LOC400499: variants seen among roughly 807,000 people sequenced by gnomAD.
chr16:11,519,275 T>C, the LOC400499 span, among the ~76,000 whole-genome samples: 1 of 152,176 alleles, frequency 6.6e-6, no homozygotes, highest in Non-Finnish European at 1.5e-5. Context: ...CAAGAATATG[T>C]TACATTGTAG....
chr16:11,452,365 T>C, the LOC400499 span, among the ~76,000 whole-genome samples: 1 of 152,188 alleles, frequency 6.6e-6, no homozygotes, highest in East Asian at 1.9e-4. Flanking sequence ...GTTCAAGACC[T>C]GGATCAGAAC....
the LOC400499 span, among the ~76,000 whole-genome samples, chr16:11,515,096 A>T: frequency 1.3e-5 from 2 of 152,150 alleles, no homozygotes; most frequent in Non-Finnish European, 2.9e-5. Flanking sequence ...GCTTGAGCTC[A>T]GAAGTTCAAG....
the LOC400499 span, among the ~76,000 whole-genome samples, chr16:11,413,968 T>C: frequency 2.0e-5 from 3 of 152,252 alleles, no homozygotes; most frequent in Middle Eastern, 3.4e-3. Flanking sequence ...CATCCTGCCT[T>C]TCTCTGGAGC....
chr16:11,373,092 C>A, the LOC400499 span, among the ~76,000 whole-genome samples: 1 of 152,238 alleles, frequency 6.6e-6, no homozygotes, highest in Admixed American at 6.5e-5. Flanking sequence ...GAGGGCGGAA[C>A]CTTAGCACAC....
At chr16:11,460,087 G>A in the LOC400499 span, 1 of 1,316,540 alleles carries the variant, frequency 7.6e-7, no homozygotes, top group South Asian at 2.4e-5. Context: ...ACTGCCCATG[G>A]AGGCCCTGCC....
At chr16:11,427,195 T>G in the LOC400499 span, among the ~76,000 whole-genome samples, 14 of 150,264 alleles carry the variant, frequency 9.3e-5, no homozygotes, top group Admixed American at 4.6e-4. Context: ...CCGTCTCTAC[T>G]AACAATACAA....
At chr16:11,411,455 C>T in the LOC400499 span, 4 of 397,232 alleles carry the variant, frequency 1.0e-5, no homozygotes, top group South Asian at 1.4e-4. Context: ...CATCAGTGGC[C>T]CAGTTCAGGG....
the LOC400499 span, among the ~76,000 whole-genome samples, chr16:11,389,143 C>CT: frequency 1.3e-5 from 2 of 152,098 alleles, no homozygotes; most frequent in East Asian, 3.9e-4. Flanking sequence ...AGTAGTGACC[C>CT]CCACCTGGAG....
the LOC400499 span, among the ~76,000 whole-genome samples, chr16:11,391,087 C>G: frequency 6.6e-6 from 1 of 152,234 alleles, no homozygotes; most frequent in African/African-American, 2.4e-5. Context: ...TGATTCACTG[C>G]CCTGGGGGTG....
chr16:11,475,537 G>C, the LOC400499 span: 1 of 397,534 alleles, frequency 2.5e-6, no homozygotes, highest in East Asian at 3.6e-5. Flanking sequence ...GGGCAGGAGA[G>C]CAACTCTGGG....
At chr16:11,440,173 C>T in the LOC400499 span, among the ~76,000 whole-genome samples, 14 of 152,088 alleles carry the variant, frequency 9.2e-5, no homozygotes, top group African/African-American at 3.1e-4. Flanking sequence ...AATGAATGGA[C>T]AGGAATGAAC....
chr16:11,382,716 A>G, the LOC400499 span, among the ~76,000 whole-genome samples: 1 of 152,144 alleles, frequency 6.6e-6, no homozygotes, highest in Non-Finnish European at 1.5e-5. Flanking sequence ...AGGCTGAGGC[A>G]GGAGAACTGC....
the LOC400499 span, among the ~76,000 whole-genome samples, chr16:11,450,096 C>A: frequency 6.6e-6 from 1 of 152,212 alleles, no homozygotes; most frequent in Non-Finnish European, 1.5e-5. Context: ...CTCGGATGAG[C>A]CCAATCAAGG....
chr16:11,409,563 TA>T, the LOC400499 span, among the ~76,000 whole-genome samples: 3 of 152,158 alleles, frequency 2.0e-5, no homozygotes, highest in African/African-American at 7.2e-5. Flanking sequence ...TTAAGAAAAT[TA>T]AAAAGACATG....
the LOC400499 span, among the ~76,000 whole-genome samples, chr16:11,397,773 T>G: frequency 0.37 from 12,358 of 33,496 alleles, 970 homozygotes; most frequent in East Asian, 0.47. Context: ...GAGGGAGGGA[T>G]GGAGGGAGGG....
chr16:11,427,877 T>C, the LOC400499 span, among the ~76,000 whole-genome samples: 20 of 152,162 alleles, frequency 1.3e-4, no homozygotes, highest in Non-Finnish European at 1.5e-4. Context: ...TCTATTTGGG[T>C]GTAAGGTGTT....
chr16:11,416,419 G>A, the LOC400499 span, among the ~76,000 whole-genome samples: 1 of 152,074 alleles, frequency 6.6e-6, no homozygotes, highest in Non-Finnish European at 1.5e-5. Context: ...CCTAGACCAG[G>A]TGACTCAACC....
chr16:11,514,537 G>T, the LOC400499 span: 2 of 399,784 alleles, frequency 5.0e-6, no homozygotes, highest in Non-Finnish European at 8.8e-6. Context: ...AGGTCAGGCC[G>T]GGCTGCGGAC....
the LOC400499 span, among the ~76,000 whole-genome samples, chr16:11,470,227 C>T: frequency 7.2e-5 from 11 of 152,254 alleles, no homozygotes; most frequent in African/African-American, 2.6e-4. Context: ...TCCTTTTAAC[C>T]AGCTTTGTGT....
Sources: allele counts gnomAD v4.1 joint callset (sites outside exome capture counted in the v4.1 genomes callset), GRCh38; gene constraint gnomAD v4.1.1; transcripts MANE v1.5.